Variants in CCR3 observed in about 807,000 individuals in gnomAD.
The protein encoded by CCR3 is C-C chemokine receptor type 3.
For missense variants in CCR3, 419 were observed against 437.5 expected (o/e 0.96, Z 0.38); for synonymous variants, 203 against 179.2 (o/e 1.13, Z -1.06).
chr3:46,242,969 A>ATG (rs1700113279), intron 1 of CCR3, among the ~76,000 whole-genome samples: 1 of 106,058 alleles, frequency 9.4e-6, no homozygotes, highest in Non-Finnish European at 1.9e-5. Flanking sequence ...ATGTGTATAT[A>ATG]TATATATATA....
chr3:46,222,028 C>T (rs1031817088), intron 2 of CCR3, among the ~76,000 whole-genome samples: 1 of 152,230 alleles, frequency 6.6e-6, no homozygotes, highest in Non-Finnish European at 1.5e-5. Flanking sequence ...AAGATTCCCC[C>T]TGAGGACTGG....
At chr3:46,235,207 A>G (rs1390426941) in intron 2 of CCR3, among the ~76,000 whole-genome samples, 2 of 152,048 alleles carry the variant, frequency 1.3e-5, no homozygotes, top group Non-Finnish European at 1.5e-5. Flanking sequence ...CTACCCCCAT[A>G]TCTTAACTTG....
At chr3:46,233,316 G>A (rs981300849) in intron 2 of CCR3, among the ~76,000 whole-genome samples, 1 of 152,168 alleles carries the variant, frequency 6.6e-6, no homozygotes, top group Non-Finnish European at 1.5e-5. Flanking sequence ...TCTGGCCCTG[G>A]TGCCCGGGAA....
intron 2 of CCR3, among the ~76,000 whole-genome samples, chr3:46,221,575 C>T (rs577524045): frequency 2.6e-5 from 4 of 152,340 alleles, no homozygotes; most frequent in East Asian, 3.9e-4. Flanking sequence ...TCAAACCACA[C>T]GGCTCTGCCT....
intron 1 of CCR3, among the ~76,000 whole-genome samples, chr3:46,260,984 T>TTC (rs545605250): frequency 6.6e-6 from 1 of 152,164 alleles, no homozygotes; most frequent in African/African-American, 2.4e-5. Context: ...CCACATAAGA[T>TTC]TCTCTCTCTC....
At chr3:46,211,795 T>C (rs1699718515) in intron 2 of CCR3, among the ~76,000 whole-genome samples, 1 of 152,158 alleles carries the variant, frequency 6.6e-6, no homozygotes, top group East Asian at 1.9e-4. Context: ...TCCATTGCTT[T>C]TGTCACTGAA....
intron 1 of CCR3, among the ~76,000 whole-genome samples, chr3:46,256,942 C>T (rs1700438499): frequency 8.1e-6 from 1 of 123,800 alleles, no homozygotes; most frequent in South Asian, 3.3e-4. Flanking sequence ...AGGAGGTCTT[C>T]ACATTTGTGC....
intron 2 of CCR3, among the ~76,000 whole-genome samples, chr3:46,232,645 C>T (rs1699979086): frequency 6.6e-6 from 1 of 152,020 alleles, no homozygotes; most frequent in Admixed American, 6.5e-5. Flanking sequence ...GGTGGTTTGC[C>T]CCATCCTTGG....
At position 46,265,327 on chromosome 3, in the gene CCR3, A is replaced by G. The variant is rs201779186; in HGVS notation, c.169A>G (p.Met57Val). 4.3e-6 allele frequency: 7 copies of G among 1,613,988 alleles called. No individual in the cohort carries two copies. The South Asian group carries it at 5.5e-5, about 13-fold the overall frequency. ...CCTCTTGGGCAATGTGGTGGTGGTG[A>G]TGATCCTCATAAAATACAGGAGGCT... ...VGLLGNVVVV[M>V]ILIKYRRLRI... Residue 57 changes from methionine (M) to valine (V), a missense_variant, in exon 2 of 2, where the codon ATG (methionine) becomes GTG (valine). Met to Val is a conservative substitution (Grantham distance 21, BLOSUM62 1). Transcript: ENST00000395940.
At chr3:46,251,232 G>T (rs528474128) in intron 1 of CCR3, among the ~76,000 whole-genome samples, 2 of 152,098 alleles carry the variant, frequency 1.3e-5, no homozygotes, top group African/African-American at 2.4e-5. Context: ...TCAGAGAGGC[G>T]TCCCTGCAAT....
chr3:46,217,997 A>C (rs1699794303), intron 2 of CCR3, among the ~76,000 whole-genome samples: 1 of 151,878 alleles, frequency 6.6e-6, no homozygotes, highest in Non-Finnish European at 1.5e-5. Flanking sequence ...AAACAAACAA[A>C]AAAAAAATAC....
intron 2 of CCR3, among the ~76,000 whole-genome samples, chr3:46,234,748 C>T (rs1357274007): frequency 1.3e-5 from 2 of 152,222 alleles, no homozygotes; most frequent in Non-Finnish European, 2.9e-5. Context: ...ATGTTTTCTG[C>T]CCCAGAACCA....
At chr3:46,254,524 G>T (rs1226091845) in intron 1 of CCR3, among the ~76,000 whole-genome samples, 2 of 152,118 alleles carry the variant, frequency 1.3e-5, no homozygotes, top group African/African-American at 4.8e-5. Context: ...GGAACAGGTG[G>T]TGTTTGTTAT....
At chr3:46,244,188 G>C (rs1347690220) in intron 1 of CCR3, among the ~76,000 whole-genome samples, 1 of 152,134 alleles carries the variant, frequency 6.6e-6, no homozygotes, top group Non-Finnish European at 1.5e-5. Context: ...TTATAGCAGA[G>C]CAAATTGTGA....
upstream of CCR3, among the ~76,000 whole-genome samples, chr3:46,239,458 C>T (rs1700056676): frequency 6.6e-6 from 1 of 152,098 alleles, no homozygotes; most frequent in Non-Finnish European, 1.5e-5. Context: ...CCAAAATTTC[C>T]ACTGTAGATG....
chr3:46,265,641 A>C lies in CCR3; in HGVS notation c.483A>C (p.Ala161=). 1 of 1,614,136 alleles carries C rather than the reference A, an allele frequency of 6.2e-7. No homozygotes were observed. The highest frequency in any genetic ancestry group is 8.5e-7 in the Non-Finnish European group (1 of 1,179,998). Residue 161 remains alanine, a synonymous_variant, in exon 2 of 2, where the codon GCA becomes GCC. Transcript: ENST00000395940. ...CCAGCATCGTCACCTGGGGCCTGGC[A>C]GTGCTAGCAGCTCTTCCTGAATTTA... is the stretch of plus-strand genomic sequence containing the variant. The part of the protein sequence containing the change: ...VITSIVTWGL[A]VLAALPEFIF...
At chr3:46,227,138 C>T (rs1269198537) in intron 2 of CCR3, among the ~76,000 whole-genome samples, 1 of 152,066 alleles carries the variant, frequency 6.6e-6, no homozygotes, top group Non-Finnish European at 1.5e-5. Context: ...CCTGCCTCAG[C>T]CTCTCAAAGT....
intron 1 of CCR3, among the ~76,000 whole-genome samples, chr3:46,252,167 G>GTT (rs1700326202): frequency 1.6e-5 from 2 of 123,444 alleles, no homozygotes; most frequent in South Asian, 2.9e-4. Context: ...GCTAGTTTCT[G>GTT]TCTTTTTTTT....
chr3:46,256,951 GCA>G (rs34816775), intron 1 of CCR3, among the ~76,000 whole-genome samples: 108 of 150,330 alleles, frequency 7.2e-4, no homozygotes, highest in African/African-American at 2.1e-3. Context: ...TCACATTTGT[GCA>G]CACACACACA....
Sources: gnomAD v4.1 joint callset for allele counts (sites outside exome capture counted in the v4.1 genomes callset) on GRCh38, gnomAD v4.1.1 for gene constraint, MANE v1.5 for transcripts, NCBI Gene and HGNC (gene_info 2026-07-23, HGNC 2026-07-21) for gene names.